The following USP10 variants were observed in gnomAD, a reference collection of about 807,000 sequenced individuals.
USP10 encodes the protein ubiquitin specific peptidase 10.
USP10 carries 22 observed loss-of-function variants against 84.5 expected under a neutral mutation model. The observed-to-expected ratio is 0.26, with a 90% CI of 0.19 to 0.37. The LOEUF is 0.37. Ranked by LOEUF, USP10 falls within the 10% of genes least tolerant of loss-of-function variation. The pLI, the probability that USP10 is intolerant of heterozygous loss-of-function variation, is 1.00. For synonymous variants in USP10, 454 were observed against 387.6 expected (o/e 1.17, Z -2.01); for missense variants, 1,019 against 998.9 (o/e 1.02, Z -0.27).
intron 5 of USP10, 55 bp downstream of exon 5, chr16:84,758,862 T>C: frequency 7.7e-7 from 1 of 1,294,226 alleles, no homozygotes; most frequent in Non-Finnish European, 1.1e-6. Context: ...GTCCCTCCTT[T>C]GGGTGCATGT....
intron 1 of USP10, among the ~76,000 whole-genome samples, chr16:84,723,747 G>A (rs1011225049): frequency 6.6e-6 from 1 of 152,154 alleles, no homozygotes; most frequent in Non-Finnish European, 1.5e-5. Flanking sequence ...TAACGTATGT[G>A]CGGTGAATTT....
chr16:84,745,954 G>C (rs900383581), intron 4 of USP10, among the ~76,000 whole-genome samples: 14 of 152,202 alleles, frequency 9.2e-5, no homozygotes, highest in Admixed American at 2.6e-4. Flanking sequence ...TTTTGTTCAA[G>C]TAATTCTGCT....
At chr16:84,760,479 T>TC (rs1172582657) in intron 8 of USP10, among the ~76,000 whole-genome samples, 2 of 152,228 alleles carry the variant, frequency 1.3e-5, no homozygotes, top group Non-Finnish European at 2.9e-5. Context: ...TGACTCTGAA[T>TC]AAAGTATGAT....
chr16:84,715,645 T>A (rs545772404), intron 1 of USP10, among the ~76,000 whole-genome samples: 311 of 151,282 alleles, frequency 2.1e-3, no homozygotes, highest in Middle Eastern at 3.4e-3. Flanking sequence ...CCCTTTTTTT[T>A]TTAAAAAAAC....
chr16:84,767,327 C>T (rs1030937013), intron 10 of USP10, among the ~76,000 whole-genome samples: 1 of 150,758 alleles, frequency 6.6e-6, no homozygotes, highest in South Asian at 2.1e-4. Context: ...CTCAGAAAAA[C>T]TTAGAAAAAG....
chr16:84,703,711 G>T (rs1905157372), intron 1 of USP10, among the ~76,000 whole-genome samples: 1 of 152,206 alleles, frequency 6.6e-6, no homozygotes, highest in Admixed American at 6.5e-5. Context: ...TTTTAAGTTT[G>T]TGAGCCAGTG....
At chr16:84,747,847 G>A (rs1005484901) in intron 4 of USP10, among the ~76,000 whole-genome samples, 2 of 152,082 alleles carry the variant, frequency 1.3e-5, no homozygotes, top group Admixed American at 1.3e-4. Flanking sequence ...GATTCCAGGT[G>A]TGGGCCACCG....
At chr16:84,730,427 A>G (rs906683766) in intron 1 of USP10, among the ~76,000 whole-genome samples, 1 of 152,212 alleles carries the variant, frequency 6.6e-6, no homozygotes, top group Non-Finnish European at 1.5e-5. Flanking sequence ...AATTATTGAC[A>G]TGAAGTTATA....
chr16:84,702,984 C>T (rs1283076935), intron 1 of USP10, among the ~76,000 whole-genome samples: 1 of 68,640 alleles, frequency 1.5e-5, no homozygotes, highest in Non-Finnish European at 2.9e-5. Context: ...CAGAGCAAGA[C>T]TCCCGTCTCA....
intron 1 of USP10, among the ~76,000 whole-genome samples, chr16:84,723,733 G>A (rs758276095): frequency 6.6e-6 from 1 of 152,156 alleles, no homozygotes; most frequent in African/African-American, 2.4e-5. Flanking sequence ...GCTTTATGGA[G>A]GTATAACGTA....
intron 4 of USP10, among the ~76,000 whole-genome samples, chr16:84,749,515 C>T (rs1335608841): frequency 1.3e-5 from 2 of 151,076 alleles, no homozygotes. Context: ...GCTTGAGGCT[C>T]GATAACTTGA....
intron 1 of USP10, among the ~76,000 whole-genome samples, chr16:84,724,767 CAT>C (rs1447557957): frequency 1.3e-5 from 2 of 152,164 alleles, no homozygotes; most frequent in African/African-American, 4.8e-5. Context: ...CGTAGTCTCG[CAT>C]AGTTGAGTGT....
At chr16:84,775,253 T>C (rs1413911404) in intron 13 of USP10, 28 bp downstream of exon 13, 1 of 1,607,250 alleles carries the variant, frequency 6.2e-7, no homozygotes, top group Non-Finnish European at 8.5e-7. Context: ...ACATTACTTC[T>C]TCATTAAAAC....
At chr16:84,718,790 T>TTTG (rs140918905) in intron 1 of USP10, among the ~76,000 whole-genome samples, 2 of 151,680 alleles carry the variant, frequency 1.3e-5, no homozygotes, top group South Asian at 2.1e-4. Context: ...TTCTTTTAGT[T>TTTG]TTGTTGTTGT....
chr16:84,715,343 A>T (rs1022183569), intron 1 of USP10, among the ~76,000 whole-genome samples: 37 of 152,386 alleles, frequency 2.4e-4, no homozygotes, highest in African/African-American at 8.9e-4. Flanking sequence ...TGTATAATGG[A>T]TAGCTAAGGC....
intron 10 of USP10, among the ~76,000 whole-genome samples, chr16:84,766,911 C>T (rs1913928261): frequency 6.6e-6 from 1 of 152,172 alleles, no homozygotes; most frequent in South Asian, 2.1e-4. Context: ...TCAGCCTCTT[C>T]AGATGTTTTT....
At chr16:84,777,012 C>T (rs1423144137) in intron 13 of USP10, among the ~76,000 whole-genome samples, 2 of 152,188 alleles carry the variant, frequency 1.3e-5, no homozygotes, top group East Asian at 3.8e-4. Context: ...GAGGTTTCGC[C>T]CTTTTGGCCA....
chr16:84,766,992 A>G (rs1241667135), intron 10 of USP10, among the ~76,000 whole-genome samples: 1 of 152,166 alleles, frequency 6.6e-6, no homozygotes, highest in East Asian at 1.9e-4. Flanking sequence ...GGACCACTGA[A>G]TCAAGAGGGC....
At chr16:84,746,893 C>G (rs1911289527) in intron 4 of USP10, among the ~76,000 whole-genome samples, 2 of 152,174 alleles carry the variant, frequency 1.3e-5, no homozygotes, top group Non-Finnish European at 2.9e-5. Context: ...CACACTACAG[C>G]TATACAAAAA....
Sources: gnomAD v4.1 joint callset for allele counts (sites outside exome capture counted in the v4.1 genomes callset) on GRCh38, gnomAD v4.1.1 for gene constraint, MANE v1.5 for transcripts, NCBI Gene and HGNC (gene_info 2026-07-23, HGNC 2026-07-21) for gene names.